The following DNPEP variants were observed in gnomAD, a reference collection of about 807,000 sequenced individuals.
DNPEP encodes the protein aspartyl aminopeptidase.
A neutral mutation model predicts 59.1 loss-of-function variants in DNPEP; 46 were observed. The ratio of observed to expected loss-of-function variants is 0.78; its 90% CI spans 0.61 to 0.99. The LOEUF (loss-of-function observed/expected upper bound fraction) is 0.99, where lower values mean the gene tolerates loss of function less well. Among genes scored for constraint, DNPEP ranks in the 50% least tolerant of loss-of-function variants. The pLI, the probability that DNPEP is intolerant of heterozygous loss-of-function variation, is 0.00. For missense variants in DNPEP, 617 were observed against 649.9 expected (o/e 0.95, Z 0.55); for synonymous variants, 229 against 242.2 (o/e 0.95, Z 0.50).
At chr2:219,381,839 G>A in intron 11 of DNPEP, 140 bp downstream of exon 11, 1 of 1,101,982 alleles carries the variant, frequency 9.1e-7, no homozygotes, top group Non-Finnish European at 1.3e-6. Context: ...TCGCAGTAGT[G>A]AAAAGGAAGT....
intron 5 of DNPEP, 32 bp downstream of exon 5, chr2:219,386,254 G>A (rs775802448): frequency 1.9e-6 from 3 of 1,613,816 alleles, no homozygotes; most frequent in South Asian, 1.1e-5. Context: ...GTCTTCTGAG[G>A]AGGCTCCGCC....
chr2:219,384,576 T>TG lies in DNPEP; in HGVS notation c.775-134_775-133insC, dbSNP rs1953731861. On this transcript the variant is annotated intron_variant, in intron 8 of 14. Coordinates refer to ENST00000273075, the MANE Select transcript of DNPEP (RefSeq NM_012100.4). ...TGGCTTAGGGCACTATTTTGTTTTT[T>TG]CTTTTTTTTGAGATGAAGGTTCGCT... 1.8e-5 allele frequency: 9 copies of TG among 513,608 alleles called. No homozygotes were observed. In the African/African-American group the frequency reaches 2.6e-4, roughly 15 times the overall value. 31.8% of individuals were successfully genotyped at this position (513,608 alleles called of 1,614,324 possible).
chr2:219,381,856 G>T, intron 11 of DNPEP, 123 bp downstream of exon 11: 1 of 1,272,588 alleles, frequency 7.9e-7, no homozygotes. Flanking sequence ...AAGTGCCCGT[G>T]AACCTCCCGG....
Position 219,397,377 on chromosome 2 carries a change from A to G in DNPEP, c.-158+2563T>C, listed in dbSNP as rs184305974. ...TTGGTTTTTTGTTTTGTTTTGTTTTATTTTTTGAGACAGAGTTTTGCTCTG... is the reference window on the plus strand; with the variant it reads ...TTGGTTTTTTGTTTTGTTTTGTTTTGTTTTTTGAGACAGAGTTTTGCTCTG... On this transcript the variant is annotated intron_variant, in intron 1 of 6. Transcript: ENST00000434339. Among the ~76,000 whole-genome samples the G allele has an allele frequency of 6.7e-5, 10 of 149,098 alleles. No individual in the cohort carries two copies. In the East Asian group the frequency reaches 7.9e-4, roughly 12 times the overall value.
rs1312272415 is a variant in DNPEP, at chr2:219,372,173, T to TG, written c.*2118dup. The stretch of plus-strand genomic sequence containing the variant: ...ACGCCAATTGTAAGAGTAAATACAG[T>TG]GTGAGGGTAAAATTTTTTACATAAG... On this transcript the variant is annotated 3_prime_UTR_variant, in exon 15 of 15. Transcript: ENST00000273075. Among the ~76,000 whole-genome samples the TG allele has an allele frequency of 6.6e-6, 1 of 152,018 alleles. No individual in the cohort carries two copies. Among genetic ancestry groups the TG allele is most frequent in the Non-Finnish European group, 1.5e-5 (1 of 68,010 alleles).
Position 219,386,348 on chromosome 2 carries a change from C to G in DNPEP, c.397G>C (p.Gly133Arg), listed in dbSNP as rs749500249. Reference protein sequence around the residue: ...FQQVGVETYGGGIWSTWFDRD... With the variant: ...FQQVGVETYGRGIWSTWFDRD... ...TCAAACCAGGTGCTCCAGATCCCAC[C>G]ACCATAGGTCTCCACACCGACTTGC... The change falls in exon 5 of 15, where the codon GGT becomes CGT. Residue 133 changes from glycine (G) to arginine (R), a missense_variant. Physicochemically the swap from Gly to Arg is moderately radical, Grantham distance 125. Transcript: ENST00000273075. 4 of 1,614,218 alleles carry G rather than the reference C, an allele frequency of 2.5e-6. No individual in the cohort carries two copies. In the South Asian group the frequency reaches 4.4e-5, roughly 18 times the overall value.
At chr2:219,383,318 T>G (rs1240994785) in intron 9 of DNPEP, 104 bp from the exon 10 acceptor site, 4 of 916,976 alleles carry the variant, frequency 4.4e-6, no homozygotes, top group Non-Finnish European at 7.0e-6. Flanking sequence ...ACCAGCACCT[T>G]GGGTGTGCAC....
At chr2:219,395,742 A>C (rs1176542901) in intron 1 of DNPEP, among the ~76,000 whole-genome samples, 1 of 152,150 alleles carries the variant, frequency 6.6e-6, no homozygotes, top group Non-Finnish European at 1.5e-5. Context: ...AGCCTTCCCT[A>C]GCATCTCCAG....
chr2:219,381,278 T>C (rs1574977791), intron 13 of DNPEP, 57 bp downstream of exon 13: 1 of 1,493,046 alleles, frequency 6.7e-7, no homozygotes, highest in Non-Finnish European at 9.3e-7. Context: ...GGCCCATCTG[T>C]TTGTGCCCCC....
chr2:219,387,866 C>T lies in DNPEP; in HGVS notation c.-72G>A, dbSNP rs1953920597. ...CCTCACTAGCTTTGCAGGTCCCCCG[C>T]GTGCCCCTTCAGGCCGCGCCGCACT... On this transcript the variant is annotated 5_prime_UTR_variant, in exon 1 of 15. Coordinates refer to ENST00000273075, the MANE Select transcript of DNPEP (RefSeq NM_012100.4). 5 of 1,489,170 alleles carry T rather than the reference C, an allele frequency of 3.4e-6. No homozygotes were observed. In the East Asian group the frequency reaches 1.3e-4, roughly 40 times the overall value. 92.2% of individuals were successfully genotyped at this position (1,489,170 alleles called of 1,614,324 possible).
At chr2:219,396,130 G>A (rs1203814745) in intron 1 of DNPEP, among the ~76,000 whole-genome samples, 1 of 152,128 alleles carries the variant, frequency 6.6e-6, no homozygotes, top group Non-Finnish European at 1.5e-5. Flanking sequence ...TCAGGGCTAG[G>A]GAGGATTTGG....
At chr2:219,377,002 G>A (rs920763495) in intron 13 of DNPEP, among the ~76,000 whole-genome samples, 18 of 152,170 alleles carry the variant, frequency 1.2e-4, no homozygotes, top group African/African-American at 3.6e-4. Context: ...GGCTAGGCAC[G>A]GTGGCTCACA....
At chr2:219,385,145 T>G in intron 8 of DNPEP, 1 of 376,448 alleles carries the variant, frequency 2.7e-6, no homozygotes, top group East Asian at 4.3e-5. Context: ...AGTGTCAGTG[T>G]GGGTCAAAGC....
chr2:219,386,647 AC>A lies in DNPEP; in HGVS notation c.333+17del. On this transcript the variant is annotated intron_variant, in intron 4 of 14. Coordinates refer to ENST00000273075, the MANE Select transcript of DNPEP (RefSeq NM_012100.4). ...CTCTGACATCTCCTCCCACCCCAACACCGTCCGAGTTCCTTACCCGGAGGCA... is the reference window on the plus strand; with the variant it reads ...CTCTGACATCTCCTCCCACCCCAACACGTCCGAGTTCCTTACCCGGAGGCA... 1.3e-6 allele frequency: 2 copies of A among 1,599,620 alleles called. No individual in the cohort carries two copies. The highest frequency in any genetic ancestry group is 1.7e-6 in the Non-Finnish European group (2 of 1,172,916).
chr2:219,383,064 G>A (rs2125135680), intron 10 of DNPEP, 67 bp downstream of exon 10: 1 of 1,470,790 alleles, frequency 6.8e-7, no homozygotes, highest in East Asian at 2.3e-5. Flanking sequence ...CACGGTGGAT[G>A]CCTGGCACAA....
At chr2:219,381,618 A>G (rs750690031) in intron 11 of DNPEP, 34 bp from the exon 12 acceptor site, 1 of 1,612,106 alleles carries the variant, frequency 6.2e-7, no homozygotes. Context: ...GACATAGCAA[A>G]CAGGAGCAGG....
chr2:219,387,400 C>A (rs1574992885), intron 1 of DNPEP: 1 of 1,439,256 alleles, frequency 6.9e-7, no homozygotes, highest in East Asian at 2.5e-5. Context: ...TTTAGCCCGA[C>A]TCCCTAAGTC....
At position 219,385,823 on chromosome 2, in the gene DNPEP, C is replaced by T. The variant is rs546932625; in HGVS notation, c.591-117G>A. The T allele has an allele frequency of 1.1e-3, 1,593 of 1,431,960 alleles. 2 individuals are homozygous for T. The highest frequency in any genetic ancestry group is 1.4e-3 in the Non-Finnish European group (1,494 of 1,055,996). The allele number at this position is 1,431,960 out of a possible 1,614,324, so 88.7% of individuals were successfully genotyped here. A position where few individuals can be genotyped will look rare whatever the true frequency, so the allele number is the denominator to read the frequency against. ...CCTCTGCCCTTCAATTCCCAGCCCA[C>T]TCCCCAAATCACAAGGCTGTGAGGA... On this transcript the variant is annotated intron_variant, in intron 6 of 14. Coordinates refer to ENST00000273075, the MANE Select transcript of DNPEP (RefSeq NM_012100.4).
At position 219,381,537 on chromosome 2, in the gene DNPEP, C is replaced by G; in HGVS notation, c.1137+8G>C. 6.2e-7 allele frequency: 1 copy of G among 1,614,182 alleles called. No homozygotes were observed. The highest frequency in any genetic ancestry group is 8.5e-7 in the Non-Finnish European group (1 of 1,180,002). On this transcript the variant is annotated splice_region_variant and intron_variant, in intron 12 of 14. Transcript: ENST00000273075. ...TCCAAGTCCCTAGGGAGAAATGGCA[C>G]GTCTCACCTTGTGGAATAAAGGCCG... is the stretch of plus-strand genomic sequence containing the variant.
Sources: gnomAD v4.1 joint callset for allele counts (sites outside exome capture counted in the v4.1 genomes callset) on GRCh38, gnomAD v4.1.1 for gene constraint, MANE v1.5 for transcripts, NCBI Gene and HGNC (gene_info 2026-07-23, HGNC 2026-07-21) for gene names.